Variants in CDS1 observed in about 807,000 individuals in gnomAD.
CDS1 encodes phosphatidate cytidylyltransferase 1.
A neutral mutation model predicts 62.1 loss-of-function variants in CDS1; 41 were observed. The observed-to-expected ratio is 0.66, with a 90% CI of 0.51 to 0.86. The LOEUF (loss-of-function observed/expected upper bound fraction) is 0.86. Among genes scored for constraint, CDS1 ranks in the 40% least tolerant of loss-of-function variants. CDS1 has a pLI of 0.00. For synonymous variants in CDS1, 185 were observed against 192.6 expected, an observed-to-expected ratio of 0.96 and a Z score of 0.32; for missense variants, 470 against 550.1, an observed-to-expected ratio of 0.85 and a Z score of 1.46.
chr4:84,627,817 A>G (rs978663170), intron 5 of CDS1, among the ~76,000 whole-genome samples: 7 of 152,184 alleles, frequency 4.6e-5, no homozygotes, highest in African/African-American at 1.4e-4. Context: ...TATTAATGAA[A>G]TCTTTAGAAA....
At chr4:84,624,797 T>C (rs912031154) in intron 5 of CDS1, among the ~76,000 whole-genome samples, 4 of 152,276 alleles carry the variant, frequency 2.6e-5, no homozygotes, top group Admixed American at 6.5e-5. Flanking sequence ...AACCAGCCCC[T>C]TTTTAGTAAT....
Position 84,593,826 on chromosome 4 carries a change from AAG to A in CDS1, c.117+10310_117+10311del, listed in dbSNP as rs573697384. ...CCTACAAGTGGGTTTTTAAGGAAAA[AAG>A]AAAAGGCAGATCCTAAATTGTTTAA... On this transcript the variant is annotated intron_variant, in intron 1 of 12. Coordinates refer to ENST00000295887, the MANE Select transcript of CDS1 (RefSeq NM_001263.4). Among the ~76,000 whole-genome samples the A allele has an allele frequency of 2.1e-4, 32 of 152,280 alleles. 1 individual carries two copies. In the East Asian group the frequency reaches 6.0e-3, roughly 29 times the overall value.
intron 8 of CDS1, among the ~76,000 whole-genome samples, chr4:84,637,074 A>G (rs1239548819): frequency 1.3e-5 from 2 of 152,166 alleles, no homozygotes; most frequent in Non-Finnish European, 2.9e-5. Context: ...AAACCTCTGT[A>G]AACTCTTCCC....
At chr4:84,597,323 A>C (rs1156534958) in intron 1 of CDS1, among the ~76,000 whole-genome samples, 1 of 152,184 alleles carries the variant, frequency 6.6e-6, no homozygotes, top group Non-Finnish European at 1.5e-5. Flanking sequence ...CTGATGAATG[A>C]GGTAACCAGA....
At position 84,640,961 on chromosome 4, in the gene CDS1, C is replaced by G; in HGVS notation, c.1003C>G (p.Pro335Ala). The change falls in exon 10 of 13, where the codon CCA (proline) becomes GCA (alanine). Residue 335 changes from proline to alanine, a missense_variant. Pro to Ala is a conservative substitution (Grantham distance 27). Coordinates refer to ENST00000295887, the MANE Select transcript of CDS1 (RefSeq NM_001263.4). Reference protein sequence around the residue: ...ELFQLQTYSLPPFLKAVLRQE... With the variant: ...ELFQLQTYSLAPFLKAVLRQE... ...TTTCCAGCTTCAGACTTACTCACTT[C>G]CACCCTTTCTAAAGGCAGTCTTGAG... The G allele has an allele frequency of 6.2e-7, 1 of 1,600,606 alleles. No individual in the cohort carries two copies. Among genetic ancestry groups the G allele is most frequent in the Non-Finnish European group, 8.5e-7 (1 of 1,174,446 alleles).
At chr4:84,615,239 C>G (rs1578034010) in intron 3 of CDS1, among the ~76,000 whole-genome samples, 1 of 152,030 alleles carries the variant, frequency 6.6e-6, no homozygotes, top group Non-Finnish European at 1.5e-5. Flanking sequence ...AGTTCTACCC[C>G]CTATACTTCT....
At chr4:84,645,627 A>G (rs756041382) in intron 12 of CDS1, among the ~76,000 whole-genome samples, 3 of 152,210 alleles carry the variant, frequency 2.0e-5, no homozygotes, top group Non-Finnish European at 4.4e-5. Flanking sequence ...GGGCATTGCA[A>G]TGATCATGAA....
rs1473907476 is a variant in CDS1 at position 84,583,171 on chromosome 4, C to T, written c.-231C>T. On this transcript the variant is annotated 5_prime_UTR_variant, in exon 1 of 13. Coordinates refer to ENST00000295887, the MANE Select transcript of CDS1 (RefSeq NM_001263.4). The stretch of plus-strand genomic sequence containing the variant: ...GGCGCCCGGAGCCTGCCCGGGACCT[C>T]CGCCGGAGCCGCGCTCGCTGCAGGC... 2.3e-6 allele frequency: 1 copy of T among 444,340 alleles called. No homozygotes were observed. Among genetic ancestry groups the T allele is most frequent in the Non-Finnish European group, 4.0e-6 (1 of 250,394 alleles). The allele number at this position is 444,340 out of a possible 1,614,324, so 27.5% of individuals were successfully genotyped here.
At position 84,583,317 on chromosome 4, in the gene CDS1, C is replaced by G. The variant is rs1030426951; in HGVS notation, c.-85C>G. On this transcript the variant is annotated 5_prime_UTR_variant, in exon 1 of 13. Coordinates refer to ENST00000295887, the MANE Select transcript of CDS1 (RefSeq NM_001263.4). ...ACTCCAGGGCGCGGCTGCGAGGTGGCGGGGCGCCCCGCCTGCAGAACCCTG... is the reference window on the plus strand; with the variant it reads ...ACTCCAGGGCGCGGCTGCGAGGTGGGGGGGCGCCCCGCCTGCAGAACCCTG... 2 of 983,282 alleles carry G rather than the reference C, an allele frequency of 2.0e-6. No homozygotes were observed. The highest frequency in any genetic ancestry group is 3.0e-6 in the Non-Finnish European group (2 of 656,738). The allele number at this position is 983,282 out of a possible 1,614,324, so 60.9% of individuals were successfully genotyped here.
chr4:84,622,348 G>A (rs1396102654), intron 5 of CDS1, among the ~76,000 whole-genome samples: 1 of 152,128 alleles, frequency 6.6e-6, no homozygotes, highest in Non-Finnish European at 1.5e-5. Flanking sequence ...CAGCACTTTG[G>A]GAGGCTGAGG....
chr4:84,638,881 G>A (rs769129490), intron 8 of CDS1, 43 bp from the exon 9 acceptor site: 20 of 692,956 alleles, frequency 2.9e-5, no homozygotes, highest in Non-Finnish European at 4.2e-5. Context: ...TGTGAGTTTT[G>A]TGAGTGCAGT....
chr4:84,591,179 T>TATGAATTTC (rs1252253442), intron 1 of CDS1, among the ~76,000 whole-genome samples: 1 of 152,232 alleles, frequency 6.6e-6, no homozygotes, highest in East Asian at 1.9e-4. Context: ...TTTATGTGTT[T>TATGAATTTC]ATGAATTTCA....
rs1248046002 is a variant in CDS1 at position 84,586,882 on chromosome 4, TTTTTC to T, written c.117+3370_117+3374del. Reference sequence around the variant, plus strand: ...AGAGAGACAGGAGGATTAATGAAGATTTTTCTTTTCAGAGGAGGGGAGATATATAT... The same window carrying T: ...AGAGAGACAGGAGGATTAATGAAGATTTTTCAGAGGAGGGGAGATATATAT... On this transcript the variant is annotated intron_variant, in intron 1 of 12. Transcript: ENST00000295887. 1.1e-4 allele frequency among the ~76,000 whole-genome samples: 16 copies of T among 152,268 alleles called. No homozygotes were observed. The East Asian group carries it at 3.1e-3, about 29-fold the overall frequency.
intron 10 of CDS1, 34 bp downstream of exon 10, chr4:84,641,024 G>A: frequency 2.2e-6 from 3 of 1,352,338 alleles, no homozygotes; most frequent in African/African-American, 3.0e-5. Context: ...CATGGTTAGA[G>A]ATCTTCCACT....
chr4:84,589,571 C>A (rs900175948), intron 1 of CDS1, among the ~76,000 whole-genome samples: 3 of 152,178 alleles, frequency 2.0e-5, no homozygotes, highest in African/African-American at 7.2e-5. Context: ...GTATTACCAC[C>A]TAAATAATTT....
At chr4:84,593,701 ACCATGTTGG>A (rs887900398) in intron 1 of CDS1, among the ~76,000 whole-genome samples, 2 of 152,042 alleles carry the variant, frequency 1.3e-5, no homozygotes, top group African/African-American at 4.8e-5. Context: ...ACGGGGTTTC[ACCATGTTGG>A]CCAAGCTGGT....
At chr4:84,599,427 T>C (rs1173852889) in intron 1 of CDS1, among the ~76,000 whole-genome samples, 4 of 21,288 alleles carry the variant, frequency 1.9e-4, no homozygotes, top group African/African-American at 5.2e-4. Context: ...TATATATATA[T>C]ATATATATAT....
intron 4 of CDS1, among the ~76,000 whole-genome samples, chr4:84,618,961 A>G (rs1019424427): frequency 6.6e-6 from 1 of 152,064 alleles, no homozygotes; most frequent in Non-Finnish European, 1.5e-5. Flanking sequence ...ACACCCACAC[A>G]TTATACATAC....
Position 84,651,041 on chromosome 4 carries a change from ACT to A in CDS1, c.*2360_*2361del, listed in dbSNP as rs1307139872. Reference sequence around the variant, plus strand: ...GTGCTCTACTGGTACTTCCTGCTTGACTCTCTGACCTGTGGGATGCACATTCT... The same window carrying A: ...GTGCTCTACTGGTACTTCCTGCTTGACTCTGACCTGTGGGATGCACATTCT... On this transcript the variant is annotated 3_prime_UTR_variant, in exon 13 of 13. Transcript: ENST00000295887. 4 of 150,890 alleles carry A rather than the reference ACT, an allele frequency of 2.7e-5. No individual in the cohort carries two copies. Among genetic ancestry groups the A allele is most frequent in the Admixed American group, 6.6e-5 (1 of 15,130 alleles). The allele number at this position is 150,890 out of a possible 1,614,324, so 9.3% of individuals were successfully genotyped here.
Sources: gnomAD v4.1 joint callset for allele counts (sites outside exome capture counted in the v4.1 genomes callset) on GRCh38, gnomAD v4.1.1 for gene constraint, MANE v1.5 for transcripts, NCBI Gene and HGNC (gene_info 2026-07-23, HGNC 2026-07-21) for gene names.